Variants in CHN1 observed in about 807,000 individuals in gnomAD.
CHN1 encodes the protein chimerin 1.
A neutral mutation model predicts 59.5 loss-of-function variants in CHN1; 37 were observed. The ratio of observed to expected loss-of-function variants is 0.62; its 90% CI spans 0.48 to 0.82. CHN1 has a LOEUF of 0.82. Ranked by LOEUF, CHN1 falls within the 40% of genes least tolerant of loss-of-function variation. CHN1 has a pLI of 0.00. For synonymous variants in CHN1, 206 were observed against 200.4 expected, an observed-to-expected ratio of 1.03 and a Z score of -0.24; for missense variants, 469 against 571.0, an observed-to-expected ratio of 0.82 and a Z score of 1.82.
chr2:174,805,154 G>A (rs942822487), intron 11 of CHN1, among the ~76,000 whole-genome samples: 1 of 152,224 alleles, frequency 6.6e-6, no homozygotes, highest in Admixed American at 6.5e-5. Flanking sequence ...CACTGCCAAT[G>A]GGAGAGAGTT....
intron 1 of CHN1, among the ~76,000 whole-genome samples, chr2:174,976,001 C>T (rs1274128581): frequency 6.6e-6 from 1 of 150,800 alleles, no homozygotes; most frequent in African/African-American, 2.4e-5. Flanking sequence ...TGGCGGGTGT[C>T]TGTAGTCCCA....
chr2:174,825,000 T>C (rs1685638411), intron 7 of CHN1, among the ~76,000 whole-genome samples: 1 of 152,218 alleles, frequency 6.6e-6, no homozygotes, highest in Non-Finnish European at 1.5e-5. Context: ...TTTCAGAGCT[T>C]GATTTCTTCT....
rs915462762 is a variant in CHN1 at position 174,799,526 on chromosome 2, C to A, written c.*590G>T. ...TACACTTTTTATTGGTATGGATAAC[C>A]TTTATTAAAGTAACAAATCTGAAAA... On this transcript the variant is annotated 3_prime_UTR_variant, in exon 13 of 13. Coordinates refer to ENST00000409900, the MANE Select transcript of CHN1 (RefSeq NM_001822.7). 3.8e-6 allele frequency: 2 copies of A among 519,498 alleles called. No homozygotes were observed. Among genetic ancestry groups the A allele is most frequent in the Admixed American group, 2.3e-5 (1 of 44,416 alleles). The allele number at this position is 519,498 out of a possible 1,614,324, so 32.2% of individuals were successfully genotyped here.
intron 1 of CHN1, among the ~76,000 whole-genome samples, chr2:174,961,418 C>A (rs1438755423): frequency 6.6e-6 from 1 of 151,650 alleles, no homozygotes; most frequent in Non-Finnish European, 1.5e-5. Flanking sequence ...ATGGAGAAAC[C>A]CCGTCTCTAC....
At chr2:174,923,290 G>A (rs1246612930) in intron 3 of CHN1, among the ~76,000 whole-genome samples, 5 of 152,032 alleles carry the variant, frequency 3.3e-5, no homozygotes, top group Admixed American at 1.3e-4. Context: ...ACAGGCGCCC[G>A]CCACCATGCC....
At chr2:174,834,243 G>T (rs1262496385) in intron 7 of CHN1, among the ~76,000 whole-genome samples, 1 of 152,066 alleles carries the variant, frequency 6.6e-6, no homozygotes, top group African/African-American at 2.4e-5. Context: ...CATTTTGCTT[G>T]TATAAACTAC....
intron 5 of CHN1, among the ~76,000 whole-genome samples, chr2:174,894,251 T>G (rs1276088013): frequency 1.3e-5 from 2 of 152,044 alleles, no homozygotes; most frequent in Non-Finnish European, 1.5e-5. Flanking sequence ...ATATAAAATA[T>G]ATAAAGAACC....
intron 2 of CHN1, 124 bp from the exon 3 acceptor site, chr2:174,945,067 T>G: frequency 1.5e-6 from 1 of 675,990 alleles, no homozygotes; most frequent in East Asian, 2.8e-5. Flanking sequence ...ATTTACTAAA[T>G]TGTGTTATGA....
rs1263817189 is a variant in CHN1 at position 174,878,050 on chromosome 2, G to A, written c.339C>T (p.Ile113=). ...TCAAGCCATCAGTCACCAGATCGTGGATGGACTCAAAGCGTTTCTCCCCAA... is the reference window on the plus strand; with the variant it reads ...TCAAGCCATCAGTCACCAGATCGTGAATGGACTCAAAGCGTTTCTCCCCAA... ...HFVGEKRFES[I]HDLVTDGLIT... is the part of the protein sequence containing the mutation. The change falls in exon 6 of 13, where the codon ATC becomes ATT. Residue 113 remains isoleucine, a synonymous_variant. Transcript: ENST00000409900. The A allele has an allele frequency of 1.3e-5, 21 of 1,613,576 alleles. No homozygotes were observed. Among genetic ancestry groups the A allele is most frequent in the Non-Finnish European group, 1.8e-5 (21 of 1,179,700 alleles).
At chr2:174,986,511 A>G (rs978329390) in intron 1 of CHN1, among the ~76,000 whole-genome samples, 9 of 152,194 alleles carry the variant, frequency 5.9e-5, no homozygotes, top group African/African-American at 1.9e-4. Flanking sequence ...CACAATGTCC[A>G]TGATTCTCTT....
At chr2:174,859,926 G>C (rs1047523263) in intron 6 of CHN1, among the ~76,000 whole-genome samples, 1 of 152,026 alleles carries the variant, frequency 6.6e-6, no homozygotes, top group Non-Finnish European at 1.5e-5. Context: ...GAGAAGTAAG[G>C]TCAGCCTTGG....
rs1334538625 is a variant in CHN1 at position 174,885,751 on chromosome 2, G to A, written c.261-7623C>T. The stretch of plus-strand genomic sequence containing the variant: ...CTCCAAAAGTGCTGGGATTACATTC[G>A]TGAGCCTGGCCTACAAACAACTTTT... On this transcript the variant is annotated intron_variant, in intron 5 of 12. Coordinates refer to ENST00000409900, the MANE Select transcript of CHN1 (RefSeq NM_001822.7). Among the ~76,000 whole-genome samples the A allele has an allele frequency of 2.6e-5, 4 of 152,052 alleles. No homozygotes were observed. The South Asian group carries it at 6.2e-4, about 24-fold the overall frequency.
intron 3 of CHN1, among the ~76,000 whole-genome samples, chr2:174,924,174 G>T (rs889919846): frequency 2.6e-5 from 4 of 152,066 alleles, no homozygotes; most frequent in South Asian, 2.1e-4. Flanking sequence ...TTTTGTAAAA[G>T]AAATTTACAT....
intron 7 of CHN1, among the ~76,000 whole-genome samples, chr2:174,833,795 C>T (rs971891157): frequency 2.7e-5 from 3 of 112,864 alleles, no homozygotes; most frequent in African/African-American, 9.6e-5. Flanking sequence ...ACATACACAT[C>T]TTTTTTTTTT....
intron 1 of CHN1, among the ~76,000 whole-genome samples, chr2:174,968,727 A>G (rs978334433): frequency 6.6e-6 from 1 of 152,254 alleles, no homozygotes; most frequent in African/African-American, 2.4e-5. Flanking sequence ...GTCTTGAAGA[A>G]GTTCCAGCAG....
intron 1 of CHN1, among the ~76,000 whole-genome samples, chr2:174,969,470 G>A (rs935322121): frequency 4.6e-5 from 7 of 152,106 alleles, no homozygotes; most frequent in South Asian, 4.2e-4. Context: ...CTAAGCCCCC[G>A]AGTTCATCTA....
Position 175,000,933 on chromosome 2 carries a change from G to T in CHN1, c.19+3961C>A, listed in dbSNP as rs545424366. ...TTATTTTTACTCTTTTAGAGACAGG[G>T]TCTTGCTGTGTTGTCCAGACTGGAG... is the stretch of plus-strand genomic sequence containing the variant. On this transcript the variant is annotated intron_variant, in intron 1 of 12. Coordinates refer to ENST00000409900, the MANE Select transcript of CHN1 (RefSeq NM_001822.7). 8.5e-5 allele frequency among the ~76,000 whole-genome samples: 13 copies of T among 152,212 alleles called. No homozygotes were observed. In the East Asian group the frequency reaches 2.5e-3, roughly 29 times the overall value.
At chr2:174,820,043 T>C (rs1312175099) in intron 8 of CHN1, among the ~76,000 whole-genome samples, 24 of 152,104 alleles carry the variant, frequency 1.6e-4, no homozygotes, top group Non-Finnish European at 4.4e-5. Context: ...ATGTGCCACA[T>C]TTTCTTAATC....
At chr2:174,843,756 G>GTATC (rs1686396725) in intron 7 of CHN1, among the ~76,000 whole-genome samples, 2 of 151,514 alleles carry the variant, frequency 1.3e-5, no homozygotes, top group African/African-American at 4.8e-5. Context: ...TGGCTACCAT[G>GTATC]TATCTACATG....
Sources: gnomAD v4.1 joint callset for allele counts (sites outside exome capture counted in the v4.1 genomes callset) on GRCh38, gnomAD v4.1.1 for gene constraint, MANE v1.5 for transcripts, NCBI Gene and HGNC (gene_info 2026-07-23, HGNC 2026-07-21) for gene names.